Variants in BACH2 observed in about 807,000 individuals in gnomAD.
BACH2 encodes the protein BACH transcriptional regulator 2, also known as transcription regulator protein BACH2.
A neutral mutation model predicts 61.8 loss-of-function variants in BACH2; 5 were observed. The ratio of observed to expected loss-of-function variants is 0.08; its 90% CI spans 0.04 to 0.17. The LOEUF is 0.17. Among genes scored for constraint, BACH2 ranks in the 10% least tolerant of loss-of-function variants. BACH2 has a pLI of 1.00. For missense variants in BACH2, 824 were observed against 1,091.1 expected, an observed-to-expected ratio of 0.76 and a Z score of 3.45; for synonymous variants, 446 against 440.1, an observed-to-expected ratio of 1.01 and a Z score of -0.17.
intron 3 of BACH2, among the ~76,000 whole-genome samples, chr6:90,243,763 C>G (rs1226314352): frequency 2.6e-5 from 4 of 152,080 alleles, no homozygotes; most frequent in African/African-American, 9.7e-5. Flanking sequence ...AGTTTTTTTC[C>G]TCATGAACAG....
intron 4 of BACH2, among the ~76,000 whole-genome samples, chr6:90,155,056 C>T (rs1051039180): frequency 2.0e-5 from 3 of 152,154 alleles, no homozygotes; most frequent in African/African-American, 4.8e-5. Context: ...CTATTTGAGG[C>T]GGAGTGTCTG....
At chr6:90,266,496 C>G (rs1473853230) in intron 2 of BACH2, among the ~76,000 whole-genome samples, 1 of 152,148 alleles carries the variant, frequency 6.6e-6, no homozygotes, top group Non-Finnish European at 1.5e-5. Context: ...AAGGTGGAAA[C>G]AACCCTAATA....
At chr6:90,141,310 A>T (rs1453198859) in intron 4 of BACH2, among the ~76,000 whole-genome samples, 1 of 152,022 alleles carries the variant, frequency 6.6e-6, no homozygotes, top group Non-Finnish European at 1.5e-5. Flanking sequence ...CCTCCTGAGT[A>T]GCTGGGATTA....
intron 4 of BACH2, among the ~76,000 whole-genome samples, chr6:90,177,122 A>G (rs1768007865): frequency 6.6e-6 from 1 of 152,140 alleles, no homozygotes; most frequent in South Asian, 2.1e-4. Context: ...ACTATTATTC[A>G]TCTTCAAAAA....
At chr6:90,253,357 A>G (rs946852011) in intron 2 of BACH2, among the ~76,000 whole-genome samples, 34 of 152,250 alleles carry the variant, frequency 2.2e-4, no homozygotes, top group African/African-American at 8.0e-4. Flanking sequence ...AACTAATATT[A>G]TGAGAAATAT....
rs780167011 is a variant in BACH2 at position 89,931,527 on chromosome 6, T to C, written c.*881A>G. The stretch of plus-strand genomic sequence containing the variant: ...GAAGTTACAACTTCATTTAAGAAAA[T>C]AGGTTTGACCCAAAACTCAGTGCAA... On this transcript the variant is annotated 3_prime_UTR_variant, in exon 9 of 9. Transcript: ENST00000257749. 3.3e-5 allele frequency: 5 copies of C among 152,474 alleles called. No individual in the cohort carries two copies. Among genetic ancestry groups the C allele is most frequent in the Admixed American group, 1.3e-4 (2 of 15,232 alleles). The allele number at this position is 152,474 out of a possible 1,614,324, so 9.4% of individuals were successfully genotyped here.
intron 5 of BACH2, among the ~76,000 whole-genome samples, chr6:90,081,887 G>C (rs1003040537): frequency 6.6e-6 from 1 of 152,032 alleles, no homozygotes; most frequent in African/African-American, 2.4e-5. Context: ...CCAAGTGTTA[G>C]GATTCATCCT....
chr6:90,194,414 A>T (rs1489791861), intron 4 of BACH2, among the ~76,000 whole-genome samples: 1 of 152,182 alleles, frequency 6.6e-6, no homozygotes, highest in Non-Finnish European at 1.5e-5. Context: ...TCAAAAGCCG[A>T]GCTGGCAGCT....
rs77055928 is a variant in BACH2, at chr6:89,998,134, A to T, written c.243+10468T>A. On this transcript the variant is annotated intron_variant, in intron 6 of 8. Transcript: ENST00000257749. Reference sequence around the variant, plus strand: ...TGTATCCTTCCTTTGGTTTTCTTCTAAGCCCAGGAATCTTTCATTGGCTAA... The same window carrying T: ...TGTATCCTTCCTTTGGTTTTCTTCTTAGCCCAGGAATCTTTCATTGGCTAA... Among the ~76,000 whole-genome samples, 1,024 of 151,886 alleles carry T rather than the reference A, an allele frequency of 6.7e-3. 24 individuals carry two copies. The East Asian group carries it at 0.081, about 12-fold the overall frequency.
At chr6:90,128,032 GC>G (rs199931763) in intron 4 of BACH2, among the ~76,000 whole-genome samples, 10 of 152,024 alleles carry the variant, frequency 6.6e-5, no homozygotes, top group African/African-American at 1.9e-4. Flanking sequence ...TTTCCCTTAT[GC>G]CCCCCCATCT....
At chr6:89,954,242 T>C (rs74405247) in intron 6 of BACH2, among the ~76,000 whole-genome samples, 3,757 of 152,282 alleles carry the variant, frequency 0.025, 63 homozygotes, top group Middle Eastern at 0.051. Flanking sequence ...GTGCTCACTA[T>C]ATGGGAAATG....
chr6:90,058,399 G>A (rs1048326065), intron 5 of BACH2, among the ~76,000 whole-genome samples: 7 of 152,148 alleles, frequency 4.6e-5, no homozygotes, highest in South Asian at 4.2e-4. Flanking sequence ...TAAAATACCT[G>A]GGAATCCAAC....
At chr6:90,204,068 A>G (rs1334593072) in intron 4 of BACH2, among the ~76,000 whole-genome samples, 1 of 152,126 alleles carries the variant, frequency 6.6e-6, no homozygotes, top group African/African-American at 2.4e-5. Context: ...AGAGCTGTCA[A>G]TGTCTAACTG....
intron 6 of BACH2, among the ~76,000 whole-genome samples, chr6:89,972,271 A>G (rs1474189580): frequency 6.6e-6 from 1 of 152,138 alleles, no homozygotes; most frequent in Non-Finnish European, 1.5e-5. Flanking sequence ...TTTGGGGAAC[A>G]AGCCAGACGG....
At chr6:90,263,375 C>CT (rs1346486878) in intron 2 of BACH2, among the ~76,000 whole-genome samples, 1 of 152,130 alleles carries the variant, frequency 6.6e-6, no homozygotes, top group Non-Finnish European at 1.5e-5. Flanking sequence ...GTGAAAATAG[C>CT]TTTTTTAAAA....
intron 1 of BACH2, among the ~76,000 whole-genome samples, chr6:90,272,960 G>A (rs1302026821): frequency 6.6e-6 from 1 of 152,176 alleles, no homozygotes; most frequent in Non-Finnish European, 1.5e-5. Flanking sequence ...GCCCAGTAGA[G>A]AGAAAACAAG....
At chr6:90,042,995 A>T (rs1779609767) in intron 5 of BACH2, among the ~76,000 whole-genome samples, 1 of 152,208 alleles carries the variant, frequency 6.6e-6, no homozygotes, top group African/African-American at 2.4e-5. Context: ...AGAGAGGTAC[A>T]GTTGATAGGA....
At chr6:90,258,096 T>C (rs1342767765) in intron 2 of BACH2, among the ~76,000 whole-genome samples, 2 of 152,172 alleles carry the variant, frequency 1.3e-5, no homozygotes, top group African/African-American at 2.4e-5. Context: ...AATTTTGCTT[T>C]TGTGGCCTGA....
chr6:90,116,769 T>C (rs1348526705), intron 4 of BACH2: 2 of 460,250 alleles, frequency 4.3e-6, no homozygotes, highest in Non-Finnish European at 8.1e-6. Context: ...GTTAAGTAAT[T>C]TGCGCCTACA....
Sources: gnomAD v4.1 joint callset for allele counts (sites outside exome capture counted in the v4.1 genomes callset) on GRCh38, gnomAD v4.1.1 for gene constraint, MANE v1.5 for transcripts, NCBI Gene and HGNC (gene_info 2026-07-23, HGNC 2026-07-21) for gene names.